ZNF460: variants seen among roughly 807,000 people sequenced by gnomAD.
ZNF460 encodes the protein zinc finger protein 460.
Under a neutral mutation model 8.4 loss-of-function variants are expected in ZNF460, and 1 was observed. That is an observed-to-expected ratio of 0.12 (90% CI 0.04 to 0.56). The LOEUF is 0.56. Among genes scored for constraint, ZNF460 ranks in the 20% least tolerant of loss-of-function variants. ZNF460 has a pLI of 0.91. For synonymous variants in ZNF460, 262 were observed against 259.9 expected, an observed-to-expected ratio of 1.01 and a Z score of -0.08; for missense variants, 477 against 714.8, an observed-to-expected ratio of 0.67 and a Z score of 3.79.
Position 57,280,500 on chromosome 19 carries a change from C to T in ZNF460, c.-307C>T, listed in dbSNP as rs370496380. The T allele has an allele frequency of 9.9e-5, 47 of 472,614 alleles. No homozygotes were observed. The highest frequency in any genetic ancestry group is 5.4e-4 in the African/African-American group (27 of 50,274). 29.3% of individuals were successfully genotyped at this position (472,614 alleles called of 1,614,324 possible). On this transcript the variant is annotated 5_prime_UTR_variant, in exon 1 of 3. Coordinates refer to ENST00000360338, the MANE Select transcript of ZNF460 (RefSeq NM_006635.4). ...GTTTGGCCCTGAAACAGTGTGGGGC[C>T]TAGAGCGCTGGGTGGGCGCGTTCTG...
In ZNF460 at chr19:57,280,976, C is replaced by T. The variant is rs1404205100; in HGVS notation, c.30+140C>T. ...GAGAAATGGCCGTGGCTTGTCATTT[C>T]CTTTATCCGCAGTCCTGCAACAGTG... On this transcript the variant is annotated intron_variant, in intron 1 of 2. Coordinates refer to ENST00000360338, the MANE Select transcript of ZNF460 (RefSeq NM_006635.4). 9.5e-6 allele frequency: 12 copies of T among 1,263,124 alleles called. No individual in the cohort carries two copies. The East Asian group carries it at 2.5e-4, about 27-fold the overall frequency. 78.2% of individuals were successfully genotyped at this position (1,263,124 alleles called of 1,614,324 possible).
chr19:57,290,615 C>T lies in ZNF460; in HGVS notation c.158-84C>T, dbSNP rs1002842715. The stretch of plus-strand genomic sequence containing the variant: ...GCTATTTTCAAATCATCACTATTTT[C>T]ATCTTATTGTTCTCACCAAAAAGGT... On this transcript the variant is annotated intron_variant, in intron 2 of 2. Coordinates refer to ENST00000360338, the MANE Select transcript of ZNF460 (RefSeq NM_006635.4). The T allele has an allele frequency of 3.1e-6, 4 of 1,280,466 alleles. No homozygotes were observed. The African/African-American group carries it at 4.5e-5, about 14-fold the overall frequency. The allele number at this position is 1,280,466 out of a possible 1,614,324, so 79.3% of individuals were successfully genotyped here. A position where few individuals can be genotyped will look rare whatever the true frequency, so the allele number is the denominator to read the frequency against.
At chr19:57,285,509 G>A (rs781104973) in intron 2 of ZNF460, among the ~76,000 whole-genome samples, 14 of 152,112 alleles carry the variant, frequency 9.2e-5, no homozygotes, top group Non-Finnish European at 1.9e-4. Flanking sequence ...CATCCCCATC[G>A]TCAGTGAGTA....
chr19:57,291,855 C>G lies in ZNF460; in HGVS notation c.1314C>G (p.His438Gln). ...CCCGCATGTCAGGGCTCACAAGGCA[C>G]CAGTGGATTCATACTGGAGAGAAGC... ...AFTRMSGLTR[H>Q]QWIHTGEKPY... Residue 438 changes from histidine to glutamine, a missense_variant, in exon 3 of 3, where the codon CAC becomes CAG. Around this residue, in one of 5 missense-constraint regions of ZNF460, gnomAD observed 193 missense variants for 391.7 expected, o/e 0.49. Transcript: ENST00000360338. The surrounding 1 kb of genome is among the most constrained non-coding windows in gnomAD (Gnocchi z 8.4). 6.2e-7 allele frequency: 1 copy of G among 1,614,086 alleles called. No homozygotes were observed. Among genetic ancestry groups the G allele is most frequent in the Non-Finnish European group, 8.5e-7 (1 of 1,180,014 alleles).
At chr19:57,288,322 A>G (rs924535656) in intron 2 of ZNF460, among the ~76,000 whole-genome samples, 17 of 152,134 alleles carry the variant, frequency 1.1e-4, no homozygotes, top group African/African-American at 3.4e-4. Context: ...CCTACAGAGT[A>G]GCTGGAACTA....
In ZNF460 at chr19:57,280,718, A is replaced by G; in HGVS notation, c.-89A>G. 3 of 1,569,736 alleles carry G rather than the reference A, an allele frequency of 1.9e-6. No individual in the cohort carries two copies. Among genetic ancestry groups the G allele is most frequent in the Admixed American group, 3.6e-5 (2 of 55,270 alleles). ...CTTGTGCGCATTTTTTTCGGGGGAA[A>G]ACTGAGGCTCGGAGTGCGAAAGTCA... On this transcript the variant is annotated 5_prime_UTR_variant, in exon 1 of 3. Transcript: ENST00000360338.
chr19:57,282,521 G>A (rs1223378030), intron 1 of ZNF460, among the ~76,000 whole-genome samples: 1 of 152,228 alleles, frequency 6.6e-6, no homozygotes, highest in Non-Finnish European at 1.5e-5. Context: ...CTTTGGTGAG[G>A]TGGATGATGA....
Position 57,291,170 on chromosome 19 carries a change from A to G in ZNF460, c.629A>G (p.His210Arg). ...GGGAAAGCCTTCGGCAAGAGCAAAC[A>G]CCTCCTTCAGCATCACATCATCCAT... is the stretch of plus-strand genomic sequence containing the variant. ...ECGKAFGKSK[H>R]LLQHHIIHTG... Residue 210 changes from histidine to arginine, a missense_variant, in exon 3 of 3, where the codon CAC becomes CGC. Physicochemically the swap from His to Arg is conservative, Grantham distance 29. Transcript: ENST00000360338. The surrounding 1 kb of genome is among the most constrained non-coding windows in gnomAD (Gnocchi z 8.4). The G allele has an allele frequency of 6.2e-7, 1 of 1,614,092 alleles. No individual in the cohort carries two copies. The highest frequency in any genetic ancestry group is 8.5e-7 in the Non-Finnish European group (1 of 1,180,030).
Position 57,292,652 on chromosome 19 carries a change from C to G in ZNF460, c.*422C>G, listed in dbSNP as rs920513034. ...CACAGCTTCTTTCAGACTTCCCTGA[C>G]AAGCCCATGGCAATTTGTCATCCCC... On this transcript the variant is annotated 3_prime_UTR_variant, in exon 3 of 3. Transcript: ENST00000360338. The G allele has an allele frequency of 6.1e-6, 1 of 163,742 alleles. No homozygotes were observed. Among genetic ancestry groups the G allele is most frequent in the Non-Finnish European group, 1.3e-5 (1 of 74,376 alleles). The allele number at this position is 163,742 out of a possible 1,614,324, so 10.1% of individuals were successfully genotyped here. A position where few individuals can be genotyped will look rare whatever the true frequency, so the allele number is the denominator to read the frequency against.
At chr19:57,282,254 G>A (rs957466109) in intron 1 of ZNF460, among the ~76,000 whole-genome samples, 14 of 152,274 alleles carry the variant, frequency 9.2e-5, no homozygotes, top group Admixed American at 7.2e-4. Flanking sequence ...GAGAGGGCAC[G>A]TTTGTATGGT....
In ZNF460 at chr19:57,291,867, T is replaced by C. The variant is rs1568501092; in HGVS notation, c.1326T>C (p.His442=). ...GGCTCACAAGGCACCAGTGGATTCA[T>C]ACTGGAGAGAAGCCGTATGTATGCA... ...MSGLTRHQWI[H]TGEKPYVCIQ... Residue 442 remains histidine, a synonymous_variant, in exon 3 of 3, where the codon CAT becomes CAC. Transcript: ENST00000360338. The surrounding 1 kb of genome is among the most constrained non-coding windows in gnomAD (Gnocchi z 8.4). 6.2e-7 allele frequency: 1 copy of C among 1,613,768 alleles called. No homozygotes were observed. The highest frequency in any genetic ancestry group is 1.3e-5 in the African/African-American group (1 of 74,884).
At chr19:57,283,540 G>A (rs1162197372) in intron 1 of ZNF460, among the ~76,000 whole-genome samples, 5 of 113,498 alleles carry the variant, frequency 4.4e-5, no homozygotes, top group Non-Finnish European at 6.7e-5. Flanking sequence ...ACAGAGGCTC[G>A]CTCTGTTCTG....
At chr19:57,289,380 C>G (rs778716530) in intron 2 of ZNF460, among the ~76,000 whole-genome samples, 2 of 152,138 alleles carry the variant, frequency 1.3e-5, no homozygotes, top group Non-Finnish European at 2.9e-5. Flanking sequence ...GGGGCTGCCT[C>G]CTCTCACTGC....
rs770139856 is a variant in ZNF460, at chr19:57,292,233, G to GA, written c.*4dup. 8.5e-5 allele frequency: 136 copies of GA among 1,602,904 alleles called. No homozygotes were observed. The highest frequency in any genetic ancestry group is 1.1e-4 in the Non-Finnish European group (127 of 1,172,354). On this transcript the variant is annotated 3_prime_UTR_variant, in exon 3 of 3. Coordinates refer to ENST00000360338, the MANE Select transcript of ZNF460 (RefSeq NM_006635.4). Reference sequence around the variant, plus strand: ...TGGAAGAAACCCTACCATTGTAACAGATGTGGAAAGACTTTTTACGTACAC... The same window carrying GA: ...TGGAAGAAACCCTACCATTGTAACAGAATGTGGAAAGACTTTTTACGTACAC...
At chr19:57,289,837 A>G (rs768286137) in intron 2 of ZNF460, among the ~76,000 whole-genome samples, 22 of 151,850 alleles carry the variant, frequency 1.4e-4, no homozygotes, top group African/African-American at 1.9e-4. Context: ...CCCCATCTCT[A>G]TTTTAAAAAT....
At position 57,292,159 on chromosome 19, in the gene ZNF460, C is replaced by G; in HGVS notation, c.1618C>G (p.Pro540Ala). Reference protein sequence around the residue: ...SPVSAVNMETPSIAAHSSSLD... With the variant: ...SPVSAVNMETASIAAHSSSLD... Reference sequence around the variant, plus strand: ...AGTGAGTGCAGTGAATATGGAAACGCCTTCAATTGCCGCTCATTCCTCCTC... The same window carrying G: ...AGTGAGTGCAGTGAATATGGAAACGGCTTCAATTGCCGCTCATTCCTCCTC... Residue 540 changes from proline to alanine, a missense_variant, in exon 3 of 3, where the codon CCT (proline) becomes GCT (alanine). By Grantham distance (27) the Pro-to-Ala change is conservative. Transcript: ENST00000360338. 1 of 1,614,170 alleles carries G rather than the reference C, an allele frequency of 6.2e-7. No individual in the cohort carries two copies. Among genetic ancestry groups the G allele is most frequent in the Non-Finnish European group, 8.5e-7 (1 of 1,180,036 alleles).
rs2087830774 is a variant in ZNF460, at chr19:57,280,654, C to A, written c.-153C>A. On this transcript the variant is annotated 5_prime_UTR_variant, in exon 1 of 3. Coordinates refer to ENST00000360338, the MANE Select transcript of ZNF460 (RefSeq NM_006635.4). ...CCGCCGAGGCCTAGGCCTCCGCAGCCGCCCTCCGTCTCCTCAGCCCCGACG... is the reference window on the plus strand; with the variant it reads ...CCGCCGAGGCCTAGGCCTCCGCAGCAGCCCTCCGTCTCCTCAGCCCCGACG... 3.4e-5 allele frequency: 38 copies of A among 1,133,660 alleles called. No homozygotes were observed. In the South Asian group the frequency reaches 5.9e-4, roughly 18 times the overall value. 70.2% of individuals were successfully genotyped at this position (1,133,660 alleles called of 1,614,324 possible).
In ZNF460 at chr19:57,291,004, T is replaced by C; in HGVS notation, c.463T>C (p.Ser155Pro). Residue 155 changes from serine to proline, a missense_variant, in exon 3 of 3, where the codon TCA (serine) becomes CCA (proline). Ser to Pro is a moderately conservative substitution (Grantham distance 74). Transcript: ENST00000360338. This position sits in a 1 kb window ranked among gnomAD's most constrained non-coding sequence, Gnocchi z 8.4. The stretch of plus-strand genomic sequence containing the variant: ...AGAAGATGCTCTCTATGGATTTGAC[T>C]CATATGGACCAGTTACAGATTCCTT... ...SPEDALYGFD[S>P]YGPVTDSLIH... is the part of the protein sequence containing the mutation. The C allele has an allele frequency of 6.2e-7, 1 of 1,614,224 alleles. No individual in the cohort carries two copies. Among genetic ancestry groups the C allele is most frequent in the Non-Finnish European group, 8.5e-7 (1 of 1,180,042 alleles).
At chr19:57,288,135 A>G (rs1013038455) in intron 2 of ZNF460, among the ~76,000 whole-genome samples, 1 of 152,204 alleles carries the variant, frequency 6.6e-6, no homozygotes, top group Non-Finnish European at 1.5e-5. Context: ...CATAATGATA[A>G]CTGATGATGG....
Sources: allele counts gnomAD v4.1 joint callset (sites outside exome capture counted in the v4.1 genomes callset), GRCh38; gene constraint gnomAD v4.1.1; regional missense constraint gnomAD v4.1.1; non-coding constraint Gnocchi (gnomAD v3.1); transcripts MANE v1.5; gene names NCBI Gene and HGNC (gene_info 2026-07-23, HGNC 2026-07-21).